ASIC2: variants seen among roughly 807,000 people sequenced by gnomAD.
ASIC2 encodes acid-sensing ion channel 2.
Under a neutral mutation model 57.3 loss-of-function variants are expected in ASIC2, and 25 were observed. The observed-to-expected ratio is 0.44, with a 90% CI of 0.32 to 0.61. The LOEUF (loss-of-function observed/expected upper bound fraction) is 0.61. Among genes scored for constraint, ASIC2 ranks in the 20% least tolerant of loss-of-function variants. The pLI is 0.06. For synonymous variants in ASIC2, 319 were observed against 307.5 expected (o/e 1.04, Z -0.39); for missense variants, 641 against 738.1 (o/e 0.87, Z 1.52).
intron 1 of ASIC2, among the ~76,000 whole-genome samples, chr17:33,334,077 T>G (rs1202309697): frequency 6.6e-6 from 1 of 152,178 alleles, no homozygotes; most frequent in Non-Finnish European, 1.5e-5. Context: ...TAAAATTAGG[T>G]GTCCCAGAAG....
chr17:33,597,156 G>A (rs1440784434), intron 1 of ASIC2, among the ~76,000 whole-genome samples: 1 of 152,214 alleles, frequency 6.6e-6, no homozygotes, highest in Admixed American at 6.5e-5. Context: ...CAACCCAGCG[G>A]ACACCTGTTG....
At chr17:33,513,091 G>A (rs971188020) in intron 1 of ASIC2, among the ~76,000 whole-genome samples, 62 of 152,326 alleles carry the variant, frequency 4.1e-4, no homozygotes, top group South Asian at 6.2e-4. Flanking sequence ...TTTAGCATGG[G>A]ATTCTTGGGG....
Position 33,533,625 on chromosome 17 carries a change from G to T in ASIC2, c.556-421558C>A, listed in dbSNP as rs771046660. 4 of 152,182 alleles carry T rather than the reference G, an allele frequency of 2.6e-5. No homozygotes were observed. The South Asian group carries it at 8.3e-4, about 32-fold the overall frequency. The allele number at this position is 152,182 out of a possible 1,614,324, so 9.4% of individuals were successfully genotyped here. ...CTTACCTGTCAAATAAGGATAAAAA[G>T]TCTGCCCCATGGATTGCCTGGAATC... On this transcript the variant is annotated intron_variant, in intron 1 of 9. Coordinates refer to the ASIC2 transcript ENST00000359872.
At chr17:33,606,468 G>A (rs1184390032) in intron 1 of ASIC2, among the ~76,000 whole-genome samples, 3 of 152,150 alleles carry the variant, frequency 2.0e-5, no homozygotes, top group African/African-American at 7.2e-5. Context: ...GGGCTCCACA[G>A]CAGTTCATGC....
At chr17:33,842,659 C>T (rs1232189035) in intron 1 of ASIC2, among the ~76,000 whole-genome samples, 1 of 152,118 alleles carries the variant, frequency 6.6e-6, no homozygotes, top group Non-Finnish European at 1.5e-5. Context: ...ATTGTCTTGT[C>T]CTGTCCTGGT....
chr17:33,703,726 C>A (rs1908779426), intron 1 of ASIC2, among the ~76,000 whole-genome samples: 1 of 152,108 alleles, frequency 6.6e-6, no homozygotes, highest in African/African-American at 2.4e-5. Flanking sequence ...GGGGAGAGAA[C>A]CTGGGGCCTT....
At chr17:33,122,259 G>T (rs1347285693) in intron 1 of ASIC2, among the ~76,000 whole-genome samples, 3 of 152,280 alleles carry the variant, frequency 2.0e-5, no homozygotes, top group African/African-American at 7.2e-5. Flanking sequence ...GGAGTCAGGG[G>T]TGCTCACGGT....
At chr17:34,036,525 T>TAATAA (rs1165669716) in intron 1 of ASIC2, among the ~76,000 whole-genome samples, 242 of 150,190 alleles carry the variant, frequency 1.6e-3, no homozygotes, top group African/African-American at 4.7e-3. Context: ...AGTATAATAA[T>TAATAA]AATAAAATAA....
At chr17:34,043,425 A>C (rs1908214840) in intron 1 of ASIC2, among the ~76,000 whole-genome samples, 1 of 152,186 alleles carries the variant, frequency 6.6e-6, no homozygotes, top group Non-Finnish European at 1.5e-5. Flanking sequence ...GGAAGAGCAA[A>C]AGAGGTCTAA....
At chr17:33,220,224 T>G (rs1440192278) in intron 1 of ASIC2, among the ~76,000 whole-genome samples, 1 of 152,162 alleles carries the variant, frequency 6.6e-6, no homozygotes. Flanking sequence ...CCTCCAGGGA[T>G]AGGGAGTTGG....
chr17:33,230,923 A>T (rs545117933), intron 1 of ASIC2, among the ~76,000 whole-genome samples: 1 of 152,310 alleles, frequency 6.6e-6, no homozygotes, highest in South Asian at 2.1e-4. Context: ...AAAATTATTG[A>T]TTTAAAAATT....
intron 1 of ASIC2, among the ~76,000 whole-genome samples, chr17:33,236,582 C>A (rs1056272112): frequency 6.6e-6 from 1 of 152,070 alleles, no homozygotes; most frequent in African/African-American, 2.4e-5. Context: ...CCCAAGTGAT[C>A]CGCCTGCCTC....
intron 1 of ASIC2, among the ~76,000 whole-genome samples, chr17:33,341,573 C>T (rs72821106): frequency 0.09 from 13,723 of 152,248 alleles, 619 homozygotes; most frequent in Middle Eastern, 0.18. Flanking sequence ...TATTTATTAT[C>T]TAGTCCCTTA....
At chr17:33,519,109 C>T (rs926013758) in intron 1 of ASIC2, among the ~76,000 whole-genome samples, 2 of 152,176 alleles carry the variant, frequency 1.3e-5, no homozygotes, top group East Asian at 1.9e-4. Flanking sequence ...CGTGAGCCAC[C>T]GCGCCGGGCC....
chr17:34,128,380 A>C (rs1415310497), intron 1 of ASIC2, among the ~76,000 whole-genome samples: 1 of 149,188 alleles, frequency 6.7e-6, no homozygotes, highest in Admixed American at 6.6e-5. Context: ...CTTGTAATGC[A>C]TCAAGGGAAC....
At chr17:33,268,658 G>C (rs186245281) in intron 1 of ASIC2, among the ~76,000 whole-genome samples, 12 of 152,222 alleles carry the variant, frequency 7.9e-5, no homozygotes, top group Admixed American at 7.2e-4. Context: ...ATTTTTTTAA[G>C]AGCAAAGTTT....
intron 1 of ASIC2, among the ~76,000 whole-genome samples, chr17:33,674,842 AG>A (rs749375005): frequency 1.3e-5 from 2 of 152,198 alleles, no homozygotes; most frequent in Non-Finnish European, 2.9e-5. Flanking sequence ...AGTCTGTCTT[AG>A]GCCCTGCATT....
chr17:33,430,479 G>A (rs544634810), intron 1 of ASIC2, among the ~76,000 whole-genome samples: 43 of 152,250 alleles, frequency 2.8e-4, no homozygotes, highest in African/African-American at 9.4e-4. Flanking sequence ...CCTACTTCAC[G>A]TCACTGACCC....
At chr17:33,388,243 G>A (rs1450365934) in intron 1 of ASIC2, among the ~76,000 whole-genome samples, 2 of 152,238 alleles carry the variant, frequency 1.3e-5, no homozygotes, top group Non-Finnish European at 2.9e-5. Flanking sequence ...GCGTGGAATC[G>A]ACTCTTCCCC....
Sources: allele counts gnomAD v4.1 joint callset (sites outside exome capture counted in the v4.1 genomes callset), GRCh38; gene constraint gnomAD v4.1.1; transcripts MANE v1.5; gene names NCBI Gene and HGNC (gene_info 2026-07-23, HGNC 2026-07-21).